SHC3: variants seen among roughly 807,000 people sequenced by gnomAD.
SHC3 encodes the protein SHC-transforming protein 3.
Under a neutral mutation model 60.4 loss-of-function variants are expected in SHC3, and 15 were observed. That is an observed-to-expected ratio of 0.25 (90% CI 0.17 to 0.38). The LOEUF is 0.38. Among genes scored for constraint, SHC3 ranks in the 10% least tolerant of loss-of-function variants. The probability of loss-of-function intolerance (pLI) is 1.00; values close to 1 mark genes in which losing one functional copy is unlikely to be tolerated. For synonymous variants in SHC3, 294 were observed against 325.9 expected (o/e 0.90, Z 1.05); for missense variants, 677 against 786.1 (o/e 0.86, Z 1.66).
chr9:89,030,480 A>G (rs943612916), intron 11 of SHC3, among the ~76,000 whole-genome samples: 2 of 152,218 alleles, frequency 1.3e-5, no homozygotes, highest in African/African-American at 4.8e-5. Flanking sequence ...GACACAAAAT[A>G]TCAACACTGA....
chr9:89,153,315 G>A (rs1433963970), intron 1 of SHC3, among the ~76,000 whole-genome samples: 1 of 152,166 alleles, frequency 6.6e-6, no homozygotes, highest in Non-Finnish European at 1.5e-5. Flanking sequence ...GGTATTATGA[G>A]AATGTTGTCT....
intron 1 of SHC3, among the ~76,000 whole-genome samples, chr9:89,131,902 T>A (rs562490490): frequency 1.5e-3 from 221 of 152,296 alleles, no homozygotes; most frequent in African/African-American, 5.1e-3. Flanking sequence ...TTGGAAGTTC[T>A]GGCCAGGGCA....
intron 11 of SHC3, among the ~76,000 whole-genome samples, chr9:89,028,006 A>T (rs956930079): frequency 6.6e-6 from 1 of 152,226 alleles, no homozygotes; most frequent in African/African-American, 2.4e-5. Context: ...GGGAACATTA[A>T]TCCAAAGAAA....
intron 3 of SHC3, among the ~76,000 whole-genome samples, chr9:89,076,434 G>A (rs1825359588): frequency 6.6e-6 from 1 of 152,234 alleles, no homozygotes; most frequent in African/African-American, 2.4e-5. Flanking sequence ...CCTCAGGGCA[G>A]ATTCAGAGGT....
At chr9:89,111,590 A>C (rs143301966) in intron 2 of SHC3, among the ~76,000 whole-genome samples, 34 of 152,282 alleles carry the variant, frequency 2.2e-4, no homozygotes, top group Middle Eastern at 6.8e-3. Flanking sequence ...GAGAAAAAAA[A>C]AAAACAAAAC....
At position 89,055,897 on chromosome 9, in the gene SHC3, GTATTAA is replaced by G. The variant is rs1158414030; in HGVS notation, c.836-3740_836-3735del. On this transcript the variant is annotated intron_variant, in intron 6 of 11. Transcript: ENST00000375835. Reference sequence around the variant, plus strand: ...TTGTAAATTATTAACGTGCATTCCTGTATTAATATTATGTGTATCATAAAAACATCT... The same window carrying G: ...TTGTAAATTATTAACGTGCATTCCTGTATTATGTGTATCATAAAAACATCT... Among the ~76,000 whole-genome samples the G allele has an allele frequency of 5.9e-5, 9 of 152,284 alleles. No homozygotes were observed. In the East Asian group the frequency reaches 1.5e-3, roughly 26 times the overall value.
In SHC3 at chr9:89,006,781, G is replaced by A. The variant is rs928943903; in HGVS notation, c.*6666C>T. 1 of 152,180 alleles carries A rather than the reference G, an allele frequency of 6.6e-6. No homozygotes were observed. Among genetic ancestry groups the A allele is most frequent in the African/African-American group, 2.4e-5 (1 of 41,444 alleles). 9.4% of individuals were successfully genotyped at this position (152,180 alleles called of 1,614,324 possible). A position where few individuals can be genotyped will look rare whatever the true frequency, so the allele number is the denominator to read the frequency against. On this transcript the variant is annotated 3_prime_UTR_variant, in exon 12 of 12. Transcript: ENST00000375835. ...GTTATATTCAAAAGTCAAATGAACA[G>A]AGAACATTCCACTTGCAACCAACAC... is the stretch of plus-strand genomic sequence containing the variant.
intron 1 of SHC3, among the ~76,000 whole-genome samples, chr9:89,171,740 C>T (rs1320847343): frequency 6.6e-6 from 1 of 152,220 alleles, no homozygotes; most frequent in African/African-American, 2.4e-5. Flanking sequence ...CCTGCTCAAG[C>T]TGTCTCCTCG....
chr9:89,172,542 CGAAG>C (rs1162180567), intron 1 of SHC3, among the ~76,000 whole-genome samples: 6 of 151,226 alleles, frequency 4.0e-5, no homozygotes, highest in African/African-American at 1.5e-4. Context: ...CACACACACA[CGAAG>C]ACACAGACAC....
Position 89,038,061 on chromosome 9 carries a change from A to T in SHC3, c.1588T>A (p.Ser530Thr). ...TTGTGCATGCCCGTGAGGACAAAGG[A>T]GCCCGGGTTGGTGGTGCTCTTCCTG... The part of the protein sequence containing the change: ...LVRKSTTNPG[S>T]FVLTGMHNGQ... The change falls in exon 11 of 12, where the codon TCC becomes ACC. Residue 530 changes from serine (S) to threonine (T), a missense_variant. By Grantham distance (58) the Ser-to-Thr change is moderately conservative (BLOSUM62 1). Coordinates refer to ENST00000375835, the MANE Select transcript of SHC3 (RefSeq NM_016848.6). 2 of 1,613,974 alleles carry T rather than the reference A, an allele frequency of 1.2e-6. No homozygotes were observed. Among genetic ancestry groups the T allele is most frequent in the Non-Finnish European group, 1.7e-6 (2 of 1,180,022 alleles).
At chr9:89,168,581 GAA>G (rs1396585474) in intron 1 of SHC3, among the ~76,000 whole-genome samples, 1 of 152,084 alleles carries the variant, frequency 6.6e-6, no homozygotes, top group Non-Finnish European at 1.5e-5. Context: ...TTAAGAAATA[GAA>G]ATCCCTACAA....
rs1368916549 is a variant in SHC3 at position 89,006,567 on chromosome 9, T to C, written c.*6880A>G. ...CAAAAGTTAATGGAAACAAAACAAC[T>C]TTCAGATAATATTCATTTGTCAGTA... On this transcript the variant is annotated 3_prime_UTR_variant, in exon 12 of 12. Coordinates refer to ENST00000375835, the MANE Select transcript of SHC3 (RefSeq NM_016848.6). 2 of 152,254 alleles carry C rather than the reference T, an allele frequency of 1.3e-5. No homozygotes were observed. The highest frequency in any genetic ancestry group is 2.9e-5 in the Non-Finnish European group (2 of 68,042). 9.4% of individuals were successfully genotyped at this position (152,254 alleles called of 1,614,324 possible). A position where few individuals can be genotyped will look rare whatever the true frequency, so the allele number is the denominator to read the frequency against.
chr9:89,073,654 A>G (rs1184512593), intron 4 of SHC3, among the ~76,000 whole-genome samples: 1 of 152,142 alleles, frequency 6.6e-6, no homozygotes, highest in Non-Finnish European at 1.5e-5. Flanking sequence ...GAAAACATGA[A>G]CTGGACACCT....
chr9:89,147,021 C>A (rs1018243828), intron 1 of SHC3, among the ~76,000 whole-genome samples: 1 of 152,048 alleles, frequency 6.6e-6, no homozygotes, highest in African/African-American at 2.4e-5. Flanking sequence ...TTCATAATAG[C>A]CTCAAACTGG....
At chr9:89,040,218 A>ACTG (rs1824661223) in intron 10 of SHC3, among the ~76,000 whole-genome samples, 2 of 149,034 alleles carry the variant, frequency 1.3e-5, no homozygotes, top group Non-Finnish European at 3.0e-5. Context: ...CATCATCATC[A>ACTG]TCACCACCAC....
intron 1 of SHC3, 64 bp downstream of exon 1, chr9:89,177,920 TGAA>T (rs1826966187): frequency 2.6e-6 from 3 of 1,155,924 alleles, no homozygotes; most frequent in Non-Finnish European, 3.2e-6. Context: ...CTTCAGGGAA[TGAA>T]GGAGTCTGCC....
intron 6 of SHC3, among the ~76,000 whole-genome samples, chr9:89,053,300 A>T (rs925542482): frequency 1.3e-5 from 2 of 152,174 alleles, no homozygotes; most frequent in Non-Finnish European, 1.5e-5. Flanking sequence ...AGGAGGATGC[A>T]TTTCTTCATG....
Position 89,130,917 on chromosome 9 carries a change from C to A in SHC3, c.475-18291G>T, listed in dbSNP as rs1826234739. 3.3e-5 allele frequency among the ~76,000 whole-genome samples: 5 copies of A among 152,054 alleles called. No homozygotes were observed. The South Asian group carries it at 1.0e-3, about 32-fold the overall frequency. ...AGAAATAACTAAGATCAGAGCAGAA[C>A]TGAAGGAGATAGAGACATAAAAAAC... On this transcript the variant is annotated intron_variant, in intron 1 of 11. Transcript: ENST00000375835.
chr9:89,137,500 T>A (rs1021390596), intron 1 of SHC3, among the ~76,000 whole-genome samples: 8 of 152,146 alleles, frequency 5.3e-5, no homozygotes, highest in Non-Finnish European at 4.4e-5. Context: ...ACAGACTTTG[T>A]GAAAACTCAA....
Sources: allele counts gnomAD v4.1 joint callset (sites outside exome capture counted in the v4.1 genomes callset), GRCh38; gene constraint gnomAD v4.1.1; transcripts MANE v1.5; gene names NCBI Gene and HGNC (gene_info 2026-07-23, HGNC 2026-07-21).